SAMD5: variants seen among roughly 807,000 people sequenced by gnomAD.
SAMD5 encodes the protein sterile alpha motif domain containing 5.
In SAMD5, 13 loss-of-function variants were observed where a neutral mutation model predicts 11.3. The ratio of observed to expected loss-of-function variants is 1.15; its 90% CI spans 0.75 to 1.83. The LOEUF (loss-of-function observed/expected upper bound fraction) is 1.83. SAMD5 is among the 40% of genes most tolerant of loss of function. The pLI, the probability that SAMD5 is intolerant of heterozygous loss-of-function variation, is 0.00. For synonymous variants in SAMD5, 129 were observed against 111.3 expected (o/e 1.16, Z -1.00); for missense variants, 255 against 239.1 (o/e 1.07, Z -0.44).
the SAMD5 span, among the ~76,000 whole-genome samples, chr6:147,856,607 G>A: frequency 6.6e-6 from 1 of 152,160 alleles, no homozygotes; most frequent in African/African-American, 2.4e-5. Flanking sequence ...ATGATTGTTG[G>A]ATAAAGGCTA....
At chr6:147,516,516 A>G (rs1788173160) in intron 1 of SAMD5, among the ~76,000 whole-genome samples, 1 of 152,194 alleles carries the variant, frequency 6.6e-6, no homozygotes, top group Non-Finnish European at 1.5e-5. Context: ...TCATGAACTT[A>G]TTAGATCGAC....
chr6:147,736,449 A>C (rs1334305496), intron 1 of SAMD5, among the ~76,000 whole-genome samples: 1 of 152,222 alleles, frequency 6.6e-6, no homozygotes, highest in East Asian at 1.9e-4. Flanking sequence ...CTTGCTTTCC[A>C]TAATGATAAT....
chr6:147,876,110 A>T, the SAMD5 span, among the ~76,000 whole-genome samples: 1 of 152,118 alleles, frequency 6.6e-6, no homozygotes, highest in Non-Finnish European at 1.5e-5. Context: ...CAACTTACAC[A>T]CTCAGAAGAT....
At chr6:147,618,633 C>T (rs1324104142) in intron 1 of SAMD5, among the ~76,000 whole-genome samples, 1 of 152,232 alleles carries the variant, frequency 6.6e-6, no homozygotes, top group African/African-American at 2.4e-5. Context: ...GAGAGTACCA[C>T]TAACACCCAG....
the SAMD5 span, among the ~76,000 whole-genome samples, chr6:147,750,312 A>G: frequency 1.3e-5 from 2 of 152,232 alleles, no homozygotes; most frequent in African/African-American, 2.4e-5. Flanking sequence ...CAAATACAGG[A>G]CAGAATTTCC....
chr6:147,567,541 A>G lies in SAMD5; in HGVS notation c.*3085A>G. 3 of 911,372 alleles carry G rather than the reference A, an allele frequency of 3.3e-6. No individual in the cohort carries two copies. Among genetic ancestry groups the G allele is most frequent in the African/African-American group, 1.8e-5 (1 of 55,728 alleles). 56.5% of individuals were successfully genotyped at this position (911,372 alleles called of 1,614,324 possible). On this transcript the variant is annotated 3_prime_UTR_variant, in exon 2 of 2. Transcript: ENST00000367474. ...TTTCCCTTGTCTGTAAAATGGGAAAAATAAATACCTCTATAGCTCTTAAGA... is the reference window on the plus strand; with the variant it reads ...TTTCCCTTGTCTGTAAAATGGGAAAGATAAATACCTCTATAGCTCTTAAGA...
the SAMD5 span, among the ~76,000 whole-genome samples, chr6:147,837,993 C>T: frequency 2.9e-4 from 44 of 152,044 alleles, no homozygotes; most frequent in South Asian, 5.2e-3. Context: ...CCAGTCACCG[C>T]CCTCAAGATG....
the SAMD5 span, among the ~76,000 whole-genome samples, chr6:147,804,284 G>A: frequency 6.6e-6 from 1 of 150,516 alleles, no homozygotes; most frequent in South Asian, 2.1e-4. Context: ...ATTTTTTTTT[G>A]TATTTTTAGT....
At chr6:147,590,652 A>G (rs191029924) in intron 1 of SAMD5, among the ~76,000 whole-genome samples, 2 of 152,252 alleles carry the variant, frequency 1.3e-5, no homozygotes, top group Admixed American at 1.3e-4. Flanking sequence ...AGTTCAAGTG[A>G]TCTGCCCGCC....
the SAMD5 span, among the ~76,000 whole-genome samples, chr6:147,929,074 G>C: frequency 2.0e-5 from 3 of 151,752 alleles, no homozygotes; most frequent in Admixed American, 6.6e-5. Flanking sequence ...GTTTTTCATG[G>C]TAGTCTTTTA....
chr6:147,700,164 A>G (rs946549058), intron 1 of SAMD5, among the ~76,000 whole-genome samples: 22 of 152,172 alleles, frequency 1.4e-4, no homozygotes, highest in Non-Finnish European at 1.2e-4. Flanking sequence ...TTTAGTTTGT[A>G]TTATTAAACT....
intron 1 of SAMD5, among the ~76,000 whole-genome samples, chr6:147,671,889 A>ATTTTTTTTTTT (rs56865442): frequency 2.0e-5 from 2 of 98,058 alleles, no homozygotes; most frequent in African/African-American, 4.1e-5. Flanking sequence ...CTTTTTCAGG[A>ATTTTTTTTTTT]TTTTTTTTTT....
At chr6:147,896,994 C>T in the SAMD5 span, among the ~76,000 whole-genome samples, 4 of 152,082 alleles carry the variant, frequency 2.6e-5, 1 homozygote, top group South Asian at 6.2e-4. Flanking sequence ...AAAGTACATC[C>T]ATGGTTGTCT....
the SAMD5 span, among the ~76,000 whole-genome samples, chr6:147,894,592 T>C: frequency 1.3e-5 from 2 of 152,206 alleles, no homozygotes; most frequent in Non-Finnish European, 2.9e-5. Context: ...AAGCAGTATT[T>C]ATAACCCCTC....
the SAMD5 span, among the ~76,000 whole-genome samples, chr6:147,798,219 C>A: frequency 6.7e-6 from 1 of 149,004 alleles, no homozygotes; most frequent in Admixed American, 6.7e-5. Flanking sequence ...TTATAAATTT[C>A]CCTCTACACA....
At chr6:147,578,370 C>T (rs989246544) in intron 1 of SAMD5, among the ~76,000 whole-genome samples, 3 of 152,072 alleles carry the variant, frequency 2.0e-5, no homozygotes, top group African/African-American at 7.2e-5. Flanking sequence ...TTTCCATTCC[C>T]ACATCCTTGA....
chr6:147,752,424 C>T, the SAMD5 span, among the ~76,000 whole-genome samples: 1 of 152,088 alleles, frequency 6.6e-6, no homozygotes, highest in African/African-American at 2.4e-5. Flanking sequence ...TTTCAATATA[C>T]ATACTGTCAC....
chr6:147,550,233 T>C (rs1035180900), intron 1 of SAMD5, among the ~76,000 whole-genome samples: 1 of 152,012 alleles, frequency 6.6e-6, no homozygotes. Flanking sequence ...ATGAGACTCT[T>C]GTCTCTCTTA....
At position 147,560,380 on chromosome 6, in the gene SAMD5, G is replaced by T. The variant is rs988814830; in HGVS notation, c.460-4014G>T. Among the ~76,000 whole-genome samples, 8 of 152,268 alleles carry T rather than the reference G, an allele frequency of 5.3e-5. No individual in the cohort carries two copies. In the East Asian group the frequency reaches 1.5e-3, roughly 29 times the overall value. ...CTTTGTGCCCCTGTGTTACCCAGAAGGATGGAAAGCAACACTCCTACTGTC... is the reference window on the plus strand; with the variant it reads ...CTTTGTGCCCCTGTGTTACCCAGAATGATGGAAAGCAACACTCCTACTGTC... On this transcript the variant is annotated intron_variant, in intron 1 of 1. Coordinates refer to ENST00000367474, the MANE Select transcript of SAMD5 (RefSeq NM_001030060.3).
Sources: allele counts gnomAD v4.1 joint callset (sites outside exome capture counted in the v4.1 genomes callset), GRCh38; gene constraint gnomAD v4.1.1; transcripts MANE v1.5; gene names NCBI Gene and HGNC (gene_info 2026-07-23, HGNC 2026-07-21).